TBX22: variants seen among roughly 807,000 people sequenced by gnomAD.
TBX22 encodes T-box transcription factor TBX22.
TBX22 carries 8 observed loss-of-function variants against 30.1 expected under a neutral mutation model. The observed-to-expected ratio is 0.27, with a 90% CI of 0.16 to 0.48. The LOEUF (loss-of-function observed/expected upper bound fraction) is 0.48, where lower values mean the gene tolerates loss of function less well. TBX22 is among the 20% of genes least tolerant of loss of function. The pLI, the probability that TBX22 is intolerant of heterozygous loss-of-function variation, is 0.99. For synonymous variants in TBX22, 173 were observed against 149.1 expected, an observed-to-expected ratio of 1.16 and a Z score of -1.17; for missense variants, 463 against 400.5, an observed-to-expected ratio of 1.16 and a Z score of -1.33.
chrX:80,026,817 C>T lies in TBX22; in HGVS notation c.747C>T (p.Phe249=). 8.3e-7 allele frequency: 1 copy of T among 1,211,590 alleles called. No homozygotes were observed. Residue 249 remains phenylalanine, a synonymous_variant, in exon 6 of 9, where the codon TTC becomes TTT. Coordinates refer to ENST00000373296, the MANE Select transcript of TBX22 (RefSeq NM_001109878.2). ...QSLPTEGVKT[F]SFKETEFTTV... ...TGCCCACTGAAGGTGTTAAAACATT[C>T]TCCTTTAAAGAAACTGAGTTCACCA...
In TBX22 at chrX:80,029,727, A is replaced by G. The variant is rs1176811373; in HGVS notation, c.950-771A>G. On this transcript the variant is annotated intron_variant, in intron 8 of 8. Coordinates refer to ENST00000373296, the MANE Select transcript of TBX22 (RefSeq NM_001109878.2). ...AACTAAATCTATATAATCCCAAACA[A>G]CCAATCAATTTGTGCATCTTAACTA... Among the ~76,000 whole-genome samples, 4 of 112,097 alleles carry G rather than the reference A, an allele frequency of 3.6e-5. No individual in the cohort carries two copies. In the Admixed American group the frequency reaches 3.8e-4, roughly 11 times the overall value.
chrX:80,017,314 GTGTT>G (rs1386529826), intron 1 of TBX22, among the ~76,000 whole-genome samples: 4 of 100,500 alleles, frequency 4.0e-5, no homozygotes, highest in Non-Finnish European at 8.2e-5. Context: ...GTGTGTGTGT[GTGTT>G]TTCTTTAATT....
chrX:80,017,283 T>TGC (rs1923495618), intron 1 of TBX22, among the ~76,000 whole-genome samples: 1 of 50,106 alleles, frequency 2.0e-5, no homozygotes, highest in Non-Finnish European at 4.9e-5. Flanking sequence ...GTTGTTTTTG[T>TGC]GTGTGTGTGT....
At chrX:80,022,090 T>C (rs1047190339) in intron 1 of TBX22, among the ~76,000 whole-genome samples, 178 bp from the exon 2 acceptor site, 2 of 108,186 alleles carry the variant, frequency 1.8e-5, no homozygotes, top group Non-Finnish European at 3.8e-5. Context: ...TGAATACAGA[T>C]CCAGAAATTG....
intron 7 of TBX22, 54 bp downstream of exon 7, chrX:80,027,374 G>T (rs878986051): frequency 5.0e-4 from 212 of 420,140 alleles, no homozygotes; most frequent in Middle Eastern, 7.5e-4. Context: ...ATTTTCACAA[G>T]TTTTTTTTTT....
rs1256761808 is a variant in TBX22, at chrX:80,023,051, G to A, written c.176-9G>A. On this transcript the variant is annotated splice_polypyrimidine_tract_variant and intron_variant, in intron 2 of 8. Transcript: ENST00000373296. ...TCTCAAACCCTGAGCGCCTTTCTGT[G>A]TCCAGCAGAAAAACAACCTAAGACA... The A allele has an allele frequency of 1.1e-5, 13 of 1,208,287 alleles. No homozygotes were observed. The highest frequency in any genetic ancestry group is 1.8e-5 in the African/African-American group (1 of 56,917).
Position 80,022,449 on chromosome X carries a change from G to A in TBX22, c.175+5G>A. On this transcript the variant is annotated splice_donor_5th_base_variant and intron_variant, in intron 2 of 8. Transcript: ENST00000373296. ...CAGGGAAGAGCGAGCCGCTTGGTAA[G>A]TACTGCCATTGCCCTGAGCCCGTTG... 1 of 1,175,718 alleles carries A rather than the reference G, an allele frequency of 8.5e-7. No homozygotes were observed. Among genetic ancestry groups the A allele is most frequent in the Non-Finnish European group, 1.1e-6 (1 of 877,572 alleles).
In TBX22 at chrX:80,024,513, G is replaced by C. The variant is rs761514183; in HGVS notation, c.458+349G>C. On this transcript the variant is annotated intron_variant, in intron 4 of 8. Transcript: ENST00000373296. ...GGGCTCTGGTGGTCAGAAGGGAAGC[G>C]GGTTGAAGGAATTGTGGGAGAAATC... Among the ~76,000 whole-genome samples, 4 of 110,330 alleles carry C rather than the reference G, an allele frequency of 3.6e-5. No individual in the cohort carries two copies. In the South Asian group the frequency reaches 1.6e-3, roughly 43 times the overall value.
intron 3 of TBX22, 46 bp downstream of exon 3, chrX:80,023,286 A>C (rs1207848367): frequency 8.8e-7 from 1 of 1,134,052 alleles, no homozygotes; most frequent in Non-Finnish European, 1.2e-6. Flanking sequence ...CACATTAGGC[A>C]CTTAATTTAC....
intron 8 of TBX22, among the ~76,000 whole-genome samples, chrX:80,028,622 G>C (rs772446429): frequency 8.9e-6 from 1 of 112,105 alleles, no homozygotes; most frequent in South Asian, 3.6e-4. Flanking sequence ...TTTATCCTCA[G>C]ATGGTACATT....
At chrX:80,017,364 A>G (rs1267751378) in intron 1 of TBX22, among the ~76,000 whole-genome samples, 7 of 107,644 alleles carry the variant, frequency 6.5e-5, no homozygotes, top group African/African-American at 2.1e-4. Context: ...GGATCTTGCT[A>G]TGTTGCCCAG....
Position 80,022,328 on chromosome X carries a change from G to T in TBX22, c.59G>T (p.Ser20Ile), listed in dbSNP as rs778207010. ...FSVEALVGRP[S>I]KRKLQDPIQA... ...GTGGAAGCCTTGGTGGGGAGACCCA[G>T]CAAAAGAAAACTCCAAGACCCAATA... Residue 20 changes from serine to isoleucine, a missense_variant, in exon 2 of 9, where the codon AGC (serine) becomes ATC (isoleucine). Ser to Ile is a moderately radical substitution (Grantham distance 142). Coordinates refer to ENST00000373296, the MANE Select transcript of TBX22 (RefSeq NM_001109878.2). The T allele has an allele frequency of 1.7e-6, 2 of 1,211,426 alleles. No homozygotes were observed. Among genetic ancestry groups the T allele is most frequent in the Non-Finnish European group, 2.2e-6 (2 of 895,363 alleles).
intron 1 of TBX22, among the ~76,000 whole-genome samples, chrX:80,021,886 A>G (rs1407976084): frequency 8.9e-6 from 1 of 112,336 alleles, no homozygotes; most frequent in African/African-American, 3.2e-5. Context: ...TCCTGGAATC[A>G]GGGATTTGAG....
At chrX:80,017,365 T>C (rs1329891244) in intron 1 of TBX22, among the ~76,000 whole-genome samples, 2 of 109,185 alleles carry the variant, frequency 1.8e-5, no homozygotes, top group African/African-American at 3.4e-5. Flanking sequence ...GATCTTGCTA[T>C]GTTGCCCAGG....
rs1383297324 is a variant in TBX22 at position 80,022,461 on chromosome X, C to T, written c.175+17C>T. 1.7e-6 allele frequency: 2 copies of T among 1,165,354 alleles called. No individual in the cohort carries two copies. The highest frequency in any genetic ancestry group is 2.5e-5 in the Admixed American group (1 of 39,242). On this transcript the variant is annotated intron_variant, in intron 2 of 8. Transcript: ENST00000373296. ...AGCCGCTTGGTAAGTACTGCCATTG[C>T]CCTGAGCCCGTTGCCTGAGCTTACT...
chrX:80,027,763 A>G (rs1924050678), intron 7 of TBX22, among the ~76,000 whole-genome samples: 3 of 112,188 alleles, frequency 2.7e-5, no homozygotes, highest in African/African-American at 6.5e-5. Flanking sequence ...AAAGGAACCC[A>G]GATGTTTTGT....
intron 1 of TBX22, among the ~76,000 whole-genome samples, chrX:80,021,230 GT>G (rs1460079576): frequency 8.9e-6 from 1 of 111,867 alleles, no homozygotes; most frequent in Admixed American, 9.5e-5. Context: ...TGGACCTGGA[GT>G]TTTTAGACTG....
In TBX22 at chrX:80,023,905, T is replaced by C. The variant is rs755394086; in HGVS notation, c.357-158T>C. On this transcript the variant is annotated intron_variant, in intron 3 of 8. Coordinates refer to ENST00000373296, the MANE Select transcript of TBX22 (RefSeq NM_001109878.2). ...TCGGTCAAGTATGCAACCAACAATC[T>C]TTCCTCATGTAGCAAATGCTATTCC... Among the ~76,000 whole-genome samples, 220 of 112,226 alleles carry C rather than the reference T, an allele frequency of 2.0e-3. 5 individuals carry two copies. Among genetic ancestry groups the C allele is most frequent in the Non-Finnish European group, 4.5e-4 (24 of 53,275 alleles).
At position 80,022,326 on chromosome X, in the gene TBX22, C is replaced by T; in HGVS notation, c.57C>T (p.Pro19=). The change falls in exon 2 of 9, where the codon CCC becomes CCT. Residue 19 remains proline, a synonymous_variant. Coordinates refer to ENST00000373296, the MANE Select transcript of TBX22 (RefSeq NM_001109878.2). ...CCGTGGAAGCCTTGGTGGGGAGACC[C>T]AGCAAAAGAAAACTCCAAGACCCAA... is the stretch of plus-strand genomic sequence containing the variant. The part of the protein sequence containing the change: ...AFSVEALVGR[P]SKRKLQDPIQ... 1 of 1,211,436 alleles carries T rather than the reference C, an allele frequency of 8.3e-7. No homozygotes were observed. Among genetic ancestry groups the T allele is most frequent in the Non-Finnish European group, 1.1e-6 (1 of 895,419 alleles).
Sources: allele counts gnomAD v4.1 joint callset (sites outside exome capture counted in the v4.1 genomes callset), GRCh38; gene constraint gnomAD v4.1.1; transcripts MANE v1.5; gene names NCBI Gene and HGNC (gene_info 2026-07-23, HGNC 2026-07-21).